The following ABCA13 variants were observed in gnomAD, a reference collection of about 807,000 sequenced individuals.
The protein encoded by ABCA13 is ATP-binding cassette sub-family A member 13.
In ABCA13, 476 loss-of-function variants were observed where a neutral mutation model predicts 478.7. The ratio of observed to expected loss-of-function variants is 0.99; its 90% CI spans 0.92 to 1.07. The LOEUF is 1.07. Ranked by LOEUF, ABCA13 falls within the 50% of genes least tolerant of loss-of-function variation. ABCA13 has a pLI of 0.00. For missense variants in ABCA13, 6,060 were observed against 5,910.6 expected, an observed-to-expected ratio of 1.03 and a Z score of -0.83; for synonymous variants, 2,252 against 2,158.9, an observed-to-expected ratio of 1.04 and a Z score of -1.20.
intron 3 of ABCA13, among the ~76,000 whole-genome samples, chr7:48,207,505 G>A (rs1359197151): frequency 6.6e-6 from 1 of 152,126 alleles, no homozygotes; most frequent in Non-Finnish European, 1.5e-5. Flanking sequence ...ACTGGGATGA[G>A]ATCATATCTC....
intron 59 of ABCA13, among the ~76,000 whole-genome samples, chr7:48,634,802 G>A (rs746331229): frequency 2.0e-4 from 30 of 152,022 alleles, no homozygotes; most frequent in Admixed American, 3.9e-4. Context: ...CTTTAGCTAC[G>A]TCTCATAAGC....
At position 48,275,046 on chromosome 7, in the gene ABCA13, G is replaced by A. The variant is rs769562256; in HGVS notation, c.5380G>A (p.Val1794Met). Residue 1794 changes from valine (V) to methionine (M), a missense_variant, in exon 17 of 62, where the codon GTG becomes ATG. Coordinates refer to ENST00000435803, the MANE Select transcript of ABCA13 (RefSeq NM_152701.5). Reference sequence around the variant, plus strand: ...TATCACCAAGGAAGACTTCGCAATTGTGATAAAAATTCTTTTGGATACAAT... The same window carrying A: ...TATCACCAAGGAAGACTTCGCAATTATGATAAAAATTCTTTTGGATACAAT... ...SNITKEDFAI[V>M]IKILLDTIEL... 102 of 1,613,510 alleles carry A rather than the reference G, an allele frequency of 6.3e-5. No homozygotes were observed. The highest frequency in any genetic ancestry group is 8.6e-5 in the Non-Finnish European group (101 of 1,179,738).
At position 48,275,271 on chromosome 7, in the gene ABCA13, G is replaced by A. The variant is rs745787119; in HGVS notation, c.5605G>A (p.Glu1869Lys). 3.1e-6 allele frequency: 5 copies of A among 1,613,864 alleles called. No individual in the cohort carries two copies. In the South Asian group the frequency reaches 5.5e-5, roughly 18 times the overall value. The change falls in exon 17 of 62, where the codon GAA becomes AAA. Residue 1869 changes from glutamate (E) to lysine (K), a missense_variant. Glu to Lys is a moderately conservative substitution (Grantham distance 56, BLOSUM62 1). Coordinates refer to ENST00000435803, the MANE Select transcript of ABCA13 (RefSeq NM_152701.5). ...TCATTTCCACCTGTCTCCCCAAGGT[G>A]AAGATTCACCATGTTCAAATGAAAG... ...LDHFHLSPQG[E>K]DSPCSNESSR...
intron 59 of ABCA13, among the ~76,000 whole-genome samples, chr7:48,640,579 A>G (rs1165616794): frequency 6.6e-6 from 1 of 152,228 alleles, no homozygotes; most frequent in African/African-American, 2.4e-5. Flanking sequence ...TAATGTGGAC[A>G]TAACGTATTA....
intron 32 of ABCA13, among the ~76,000 whole-genome samples, chr7:48,369,451 A>T (rs1367071979): frequency 2.6e-5 from 4 of 152,140 alleles, no homozygotes; most frequent in African/African-American, 9.7e-5. Context: ...GTTCTTGGTC[A>T]TGAAGTATTT....
chr7:48,492,371 C>T (rs1829915858), intron 48 of ABCA13, among the ~76,000 whole-genome samples: 1 of 152,214 alleles, frequency 6.6e-6, no homozygotes, highest in South Asian at 2.1e-4. Context: ...ATACTCACCA[C>T]CCCTGCAGGA....
chr7:48,177,601 G>A (rs1480812076), intron 1 of ABCA13, among the ~76,000 whole-genome samples: 2 of 152,190 alleles, frequency 1.3e-5, no homozygotes, highest in African/African-American at 2.4e-5. Flanking sequence ...AACTATTCTC[G>A]TTTCCAGCAC....
intron 55 of ABCA13, among the ~76,000 whole-genome samples, chr7:48,552,759 G>C (rs1273981384): frequency 1.3e-5 from 2 of 151,582 alleles, no homozygotes; most frequent in Non-Finnish European, 3.0e-5. Flanking sequence ...TAGGCGTACA[G>C]TGCATAATAA....
Position 48,382,308 on chromosome 7 carries a change from C to T in ABCA13, c.11336-5514C>T, listed in dbSNP as rs116243480. 2.5e-3 allele frequency among the ~76,000 whole-genome samples: 384 copies of T among 152,288 alleles called. 1 individual carries two copies. Among genetic ancestry groups the T allele is most frequent in the African/African-American group, 8.8e-3 (367 of 41,552 alleles). On this transcript the variant is annotated intron_variant, in intron 35 of 61. Coordinates refer to ENST00000435803, the MANE Select transcript of ABCA13 (RefSeq NM_152701.5). The stretch of plus-strand genomic sequence containing the variant: ...AAAATAGACCAAATAGACCATGTCC[C>T]TCCCCTGCATGACAGTCTTCCCCAA...
At chr7:48,188,026 A>G (rs1454971847) in intron 1 of ABCA13, among the ~76,000 whole-genome samples, 1 of 151,882 alleles carries the variant, frequency 6.6e-6, no homozygotes, top group Non-Finnish European at 1.5e-5. Context: ...TCTCTTTTCA[A>G]TAAATCTGGG....
chr7:48,424,583 C>G (rs1821166070), intron 41 of ABCA13, among the ~76,000 whole-genome samples: 2 of 152,292 alleles, frequency 1.3e-5, no homozygotes, highest in Non-Finnish European at 2.9e-5. Context: ...ACTGATGACG[C>G]TAAGTGAGGA....
chr7:48,511,672 G>A (rs920290299), intron 51 of ABCA13, among the ~76,000 whole-genome samples: 2 of 151,980 alleles, frequency 1.3e-5, no homozygotes, highest in South Asian at 2.1e-4. Context: ...ATGGAGAAAA[G>A]TCATTTTATG....
intron 15 of ABCA13, among the ~76,000 whole-genome samples, chr7:48,258,985 CT>C (rs767450011): frequency 0.035 from 5,015 of 141,626 alleles, 182 homozygotes; most frequent in Admixed American, 0.11. Flanking sequence ...TTTGGTGTGA[CT>C]TTTTTTTTTT....
chr7:48,332,844 G>A (rs986849382), intron 27 of ABCA13, among the ~76,000 whole-genome samples: 1 of 152,064 alleles, frequency 6.6e-6, no homozygotes, highest in Admixed American at 6.5e-5. Context: ...AACATGTTAT[G>A]GTTCTCTGGC....
chr7:48,186,869 T>C (rs1796415156), intron 1 of ABCA13, among the ~76,000 whole-genome samples: 1 of 151,998 alleles, frequency 6.6e-6, no homozygotes, highest in African/African-American at 2.4e-5. Flanking sequence ...TATTCCTTCA[T>C]TTAAAATTTT....
intron 48 of ABCA13, among the ~76,000 whole-genome samples, chr7:48,505,909 C>T (rs772686138): frequency 6.6e-6 from 1 of 152,158 alleles, no homozygotes; most frequent in African/African-American, 2.4e-5. Flanking sequence ...GTGAAACAGT[C>T]GTTATCTATC....
At chr7:48,504,007 A>G (rs1321120821) in intron 48 of ABCA13, among the ~76,000 whole-genome samples, 1 of 152,218 alleles carries the variant, frequency 6.6e-6, no homozygotes. Context: ...ATTATTTGTC[A>G]GTTATACCTG....
intron 9 of ABCA13, 39 bp from the exon 10 acceptor site, chr7:48,240,828 C>G: frequency 7.0e-7 from 1 of 1,434,202 alleles, no homozygotes; most frequent in Admixed American, 2.5e-5. Flanking sequence ...TTCCAATTTG[C>G]TATTATTAAT....
At chr7:48,314,094 TA>T in intron 25 of ABCA13, 137 bp from the exon 26 acceptor site, 1 of 1,048,786 alleles carries the variant, frequency 9.5e-7, no homozygotes. Context: ...CAGAAAACTC[TA>T]AAGCAGACAT....
Sources: allele counts gnomAD v4.1 joint callset (sites outside exome capture counted in the v4.1 genomes callset), GRCh38; gene constraint gnomAD v4.1.1; transcripts MANE v1.5; gene names NCBI Gene and HGNC (gene_info 2026-07-23, HGNC 2026-07-21).